The following DLGAP2 variants were observed in gnomAD, a reference collection of about 807,000 sequenced individuals.
The protein encoded by DLGAP2 is disks large-associated protein 2.
In DLGAP2, 26 loss-of-function variants were observed where a neutral mutation model predicts 100.3. The ratio of observed to expected loss-of-function variants is 0.26; its 90% CI spans 0.19 to 0.36. DLGAP2 has a LOEUF of 0.36. Among genes scored for constraint, DLGAP2 ranks in the 10% least tolerant of loss-of-function variants. The pLI, the probability that DLGAP2 is intolerant of heterozygous loss-of-function variation, is 1.00. For missense variants in DLGAP2, 1,858 were observed against 1,453.2 expected (o/e 1.28, Z -4.53); for synonymous variants, 886 against 630.1 (o/e 1.41, Z -6.08).
chr8:1,318,191 A>G (rs1013538227), intron 3 of DLGAP2, among the ~76,000 whole-genome samples: 1 of 152,148 alleles, frequency 6.6e-6, no homozygotes, highest in African/African-American at 2.4e-5. Context: ...ACAGTCTACA[A>G]ATGGCTTTGC....
chr8:1,690,015 C>T (rs183004722), intron 12 of DLGAP2, among the ~76,000 whole-genome samples: 2 of 152,276 alleles, frequency 1.3e-5, no homozygotes, highest in Non-Finnish European at 2.9e-5. Context: ...CTAGGATCTA[C>T]CAAAGCAGCT....
chr8:746,604 C>T (rs1214111927), intron 1 of DLGAP2, among the ~76,000 whole-genome samples: 1 of 152,262 alleles, frequency 6.6e-6, no homozygotes, highest in Non-Finnish European at 1.5e-5. Context: ...CCCTCATCTG[C>T]TGAATGAATG....
At chr8:1,447,265 C>G (rs1416883081) in intron 3 of DLGAP2, among the ~76,000 whole-genome samples, 1 of 151,920 alleles carries the variant, frequency 6.6e-6, no homozygotes, top group Admixed American at 6.6e-5. Flanking sequence ...GGGATACATC[C>G]CATCTAATTT....
intron 6 of DLGAP2, among the ~76,000 whole-genome samples, chr8:1,600,977 G>C (rs1459345397): frequency 1.3e-5 from 2 of 152,200 alleles, no homozygotes; most frequent in African/African-American, 2.4e-5. Flanking sequence ...TTTCAACCTT[G>C]TTGTGCTGGT....
At chr8:986,521 C>A (rs372240639) in intron 2 of DLGAP2, among the ~76,000 whole-genome samples, 1 of 151,960 alleles carries the variant, frequency 6.6e-6, no homozygotes, top group East Asian at 1.9e-4. Flanking sequence ...TTAAAAATTA[C>A]AGCTAAAACA....
At chr8:956,613 T>C (rs1477435779) in intron 2 of DLGAP2, among the ~76,000 whole-genome samples, 1 of 152,188 alleles carries the variant, frequency 6.6e-6, no homozygotes, top group Non-Finnish European at 1.5e-5. Flanking sequence ...AAACCTGATA[T>C]TTTAGACTGC....
In DLGAP2 at chr8:1,264,802, C is replaced by T. The variant is rs183923296; in HGVS notation, c.106+5919C>T. On this transcript the variant is annotated intron_variant, in intron 3 of 14. Transcript: ENST00000637795. The stretch of plus-strand genomic sequence containing the variant: ...CCAAATCTCATCTTGAATTGTCACT[C>T]CCATAATCACCACGTGCCATGGGAG... Among the ~76,000 whole-genome samples, 11 of 152,278 alleles carry T rather than the reference C, an allele frequency of 7.2e-5. No individual in the cohort carries two copies. In the East Asian group the frequency reaches 1.9e-3, roughly 27 times the overall value.
chr8:1,462,435 A>G (rs1798485876), intron 3 of DLGAP2, among the ~76,000 whole-genome samples: 1 of 98,912 alleles, frequency 1.0e-5, no homozygotes, highest in African/African-American at 3.6e-5. Flanking sequence ...GACTGGGTGC[A>G]GTCGCTGATT....
rs74702821 is a variant in DLGAP2 at position 923,598 on chromosome 8, G to A, written c.73+15632G>A. The stretch of plus-strand genomic sequence containing the variant: ...TGACGTTTAAGTGTATCTTTTTAAG[G>A]GTATGGCGTAGAATTCCTTGGGAAT... On this transcript the variant is annotated intron_variant, in intron 2 of 14. Transcript: ENST00000637795. Among the ~76,000 whole-genome samples, 339 of 152,256 alleles carry A rather than the reference G, an allele frequency of 2.2e-3. 11 individuals are homozygous for A. In the East Asian group the frequency reaches 0.06, roughly 27 times the overall value.
intron 2 of DLGAP2, among the ~76,000 whole-genome samples, chr8:1,053,776 A>T (rs1802792265): frequency 6.6e-6 from 1 of 152,134 alleles, no homozygotes; most frequent in South Asian, 2.1e-4. Context: ...AAATCATTAT[A>T]ATATTTAAGA....
chr8:1,415,827 G>T (rs570156700), intron 3 of DLGAP2, among the ~76,000 whole-genome samples: 35 of 152,278 alleles, frequency 2.3e-4, no homozygotes, highest in African/African-American at 8.4e-4. Flanking sequence ...TTTCCTTTGG[G>T]TATATACCCA....
intron 2 of DLGAP2, chr8:926,995 G>A (rs1284245529): frequency 1.0e-6 from 1 of 983,680 alleles, no homozygotes; most frequent in Non-Finnish European, 1.2e-6. Flanking sequence ...GCCGGGGCCA[G>A]AGGACCCCCC....
chr8:1,377,388 C>CA (rs1263254605), intron 3 of DLGAP2, among the ~76,000 whole-genome samples: 4 of 152,224 alleles, frequency 2.6e-5, no homozygotes, highest in East Asian at 1.9e-4. Context: ...ACAGAAAATA[C>CA]AAAAAATTAG....
chr8:835,302 ATAT>A (rs535212047), intron 1 of DLGAP2, among the ~76,000 whole-genome samples: 59 of 152,178 alleles, frequency 3.9e-4, no homozygotes, highest in African/African-American at 1.3e-3. Flanking sequence ...TTCTATTCAA[ATAT>A]TATCTGCTTC....
intron 2 of DLGAP2, among the ~76,000 whole-genome samples, chr8:1,093,366 A>T (rs1804250408): frequency 1.4e-5 from 2 of 142,468 alleles, no homozygotes; most frequent in African/African-American, 5.9e-5. Flanking sequence ...AACAGCCAGA[A>T]ACACCTTCAC....
At chr8:1,212,657 A>C (rs1798129573) in intron 2 of DLGAP2, among the ~76,000 whole-genome samples, 1 of 152,104 alleles carries the variant, frequency 6.6e-6, no homozygotes, top group Non-Finnish European at 1.5e-5. Context: ...TGGGTTTTGG[A>C]GGACTGTTGC....
At chr8:1,121,189 C>A (rs1459872208) in intron 2 of DLGAP2, among the ~76,000 whole-genome samples, 1 of 144,492 alleles carries the variant, frequency 6.9e-6, no homozygotes, top group Non-Finnish European at 1.5e-5. Flanking sequence ...GACCACCCGT[C>A]CTCCCCTTTG....
Position 1,668,411 on chromosome 8 carries a change from G to T in DLGAP2, c.1893G>T (p.Ala631=), listed in dbSNP as rs78753621. The stretch of plus-strand genomic sequence containing the variant: ...CCAAGCCTCTGATCTCGGTGACGGC[G>T]CAGAGCAGCACCGAATCCACCCAGG... The part of the protein sequence containing the change: ...TTSKPLISVT[A]QSSTESTQDA... Residue 631 remains alanine, a synonymous_variant, in exon 9 of 15, where the codon GCG becomes GCT. Transcript: ENST00000637795. The T allele has an allele frequency of 2.5e-6, 4 of 1,602,032 alleles. No homozygotes were observed. Among genetic ancestry groups the T allele is most frequent in the South Asian group, 1.1e-5 (1 of 88,868 alleles).
intron 3 of DLGAP2, among the ~76,000 whole-genome samples, chr8:1,267,558 C>T (rs1169662815): frequency 3.2e-5 from 2 of 63,110 alleles, no homozygotes; most frequent in African/African-American, 9.5e-5. Flanking sequence ...AATTCCCGCT[C>T]AAAATAAAAT....
Sources: allele counts gnomAD v4.1 joint callset (sites outside exome capture counted in the v4.1 genomes callset), GRCh38; gene constraint gnomAD v4.1.1; transcripts MANE v1.5; gene names NCBI Gene and HGNC (gene_info 2026-07-23, HGNC 2026-07-21).